MTUS1: variants seen among roughly 807,000 people sequenced by gnomAD.
MTUS1 encodes microtubule associated scaffold protein 1.
In MTUS1, 109 loss-of-function variants were observed where a neutral mutation model predicts 120.8. That is an observed-to-expected ratio of 0.90 (90% CI 0.77 to 1.06). The LOEUF (loss-of-function observed/expected upper bound fraction) is 1.06. Among genes scored for constraint, MTUS1 ranks in the 50% least tolerant of loss-of-function variants. The pLI is 0.00. For missense variants in MTUS1, 2,210 were observed against 1,486.3 expected (o/e 1.49, Z -8.01); for synonymous variants, 737 against 550.5 (o/e 1.34, Z -4.74).
intron 6 of MTUS1, among the ~76,000 whole-genome samples, chr8:17,696,359 C>T (rs1817963281): frequency 6.6e-6 from 1 of 151,940 alleles, no homozygotes; most frequent in African/African-American, 2.4e-5. Context: ...AGAGATGAGC[C>T]ACGTGGAAAA....
intron 1 of MTUS1, among the ~76,000 whole-genome samples, chr8:17,789,595 T>C (rs1373515311): frequency 6.6e-6 from 1 of 152,154 alleles, no homozygotes; most frequent in Non-Finnish European, 1.5e-5. Flanking sequence ...GAAAATGTCT[T>C]TATGTGTGTG....
At chr8:17,798,532 C>T (rs936099990) in intron 1 of MTUS1, among the ~76,000 whole-genome samples, 33 of 152,260 alleles carry the variant, frequency 2.2e-4, no homozygotes, top group African/African-American at 7.9e-4. Context: ...CGGGGTTTCA[C>T]CATGTTGCCC....
intron 7 of MTUS1, among the ~76,000 whole-genome samples, chr8:17,683,473 T>A (rs749556933): frequency 6.6e-6 from 1 of 152,194 alleles, no homozygotes; most frequent in Non-Finnish European, 1.5e-5. Context: ...TTTTTGCTTT[T>A]AATTTTTATT....
chr8:17,703,627 T>TAAAAA (rs1819553214), intron 6 of MTUS1, among the ~76,000 whole-genome samples: 2 of 82,332 alleles, frequency 2.4e-5, no homozygotes, highest in Admixed American at 2.6e-4. Flanking sequence ...AGACTCTGTC[T>TAAAAA]CAAAAAAAAA....
intron 12 of MTUS1, 61 bp downstream of exon 12, chr8:17,653,125 G>T: frequency 2.2e-6 from 2 of 912,726 alleles, no homozygotes; most frequent in South Asian, 3.2e-5. Flanking sequence ...GTACTTGAAT[G>T]ACTCTAAAAG....
At chr8:17,759,502 T>A (rs1408339332) in intron 1 of MTUS1, among the ~76,000 whole-genome samples, 1 of 150,764 alleles carries the variant, frequency 6.6e-6, no homozygotes, top group African/African-American at 2.4e-5. Context: ...AACTGAAATC[T>A]TCACAATCTT....
chr8:17,676,445 G>C (rs1413618290), intron 7 of MTUS1: 3 of 652,736 alleles, frequency 4.6e-6, no homozygotes, highest in Non-Finnish European at 8.3e-6. Flanking sequence ...CAGGAGGCGC[G>C]CCATTGGCCC....
chr8:17,709,136 C>CAA lies in MTUS1; in HGVS notation c.2623+4076_2623+4077dup, dbSNP rs11462531. 3.4e-3 allele frequency among the ~76,000 whole-genome samples: 468 copies of CAA among 137,616 alleles called. 2 individuals are homozygous for CAA. Among genetic ancestry groups the CAA allele is most frequent in the South Asian group, 0.023 (98 of 4,310 alleles). The allele number at this position is 137,616 out of a possible 152,430, so 90.3% of individuals were successfully genotyped here. A position where few individuals can be genotyped will look rare whatever the true frequency, so the allele number is the denominator to read the frequency against. ...TGGGCGACAGAGCAAGACTCTGCCTCAAAAAAAAAAAAAGAAAAAGAATTC... is the reference window on the plus strand; with the variant it reads ...TGGGCGACAGAGCAAGACTCTGCCTCAAAAAAAAAAAAAAAGAAAAAGAATTC... On this transcript the variant is annotated intron_variant, in intron 6 of 14. Coordinates refer to ENST00000693296, the MANE Select transcript of MTUS1 (RefSeq NM_001363059.2).
intron 6 of MTUS1, chr8:17,705,776 G>A (rs757867181): frequency 7.9e-5 from 12 of 152,304 alleles, no homozygotes; most frequent in Middle Eastern, 3.4e-3. Flanking sequence ...AAGTAACTGC[G>A]GAAGGACCAG....
At chr8:17,729,518 A>G (rs2046420321) in intron 3 of MTUS1, among the ~76,000 whole-genome samples, 1 of 152,250 alleles carries the variant, frequency 6.6e-6, no homozygotes, top group South Asian at 2.1e-4. Flanking sequence ...AATTGCACAC[A>G]TAGACACACA....
intron 1 of MTUS1, among the ~76,000 whole-genome samples, chr8:17,768,874 G>T (rs947742409): frequency 1.3e-5 from 2 of 152,050 alleles, no homozygotes; most frequent in Non-Finnish European, 2.9e-5. Context: ...CACCAATAAA[G>T]ATTAAACAAT....
In MTUS1 at chr8:17,646,968, T is replaced by C. The variant is rs1162270417; in HGVS notation, c.3599+14A>G. 6.2e-7 allele frequency: 1 copy of C among 1,603,852 alleles called. No individual in the cohort carries two copies. Among genetic ancestry groups the C allele is most frequent in the South Asian group, 1.1e-5 (1 of 90,830 alleles). On this transcript the variant is annotated intron_variant, in intron 14 of 14. Coordinates refer to ENST00000693296, the MANE Select transcript of MTUS1 (RefSeq NM_001363059.2). Reference sequence around the variant, plus strand: ...GCGGGGAGCTCGGGAGAAACAGCACTGTTTTATTTTTACCTTGAGATTGCC... The same window carrying C: ...GCGGGGAGCTCGGGAGAAACAGCACCGTTTTATTTTTACCTTGAGATTGCC...
At chr8:17,651,140 T>C (rs1284363410) in intron 12 of MTUS1, among the ~76,000 whole-genome samples, 1 of 152,162 alleles carries the variant, frequency 6.6e-6, no homozygotes, top group Non-Finnish European at 1.5e-5. Flanking sequence ...TCTTTAATTC[T>C]AGGTTCTTTA....
intron 6 of MTUS1, among the ~76,000 whole-genome samples, chr8:17,697,991 T>A (rs1186578236): frequency 6.6e-6 from 1 of 152,344 alleles, no homozygotes. Context: ...AAAGTTTTTT[T>A]TTTAAAGACT....
intron 1 of MTUS1, among the ~76,000 whole-genome samples, chr8:17,761,879 C>G (rs551344948): frequency 1.5e-4 from 23 of 152,290 alleles, no homozygotes; most frequent in African/African-American, 4.6e-4. Context: ...AGTAGTTTAG[C>G]TCTGTAAGCT....
intron 1 of MTUS1, among the ~76,000 whole-genome samples, chr8:17,783,957 T>C (rs1307809961): frequency 1.3e-5 from 2 of 152,256 alleles, no homozygotes; most frequent in Non-Finnish European, 2.9e-5. Context: ...GCAATGAAGA[T>C]TTCCACTGAA....
intron 1 of MTUS1, among the ~76,000 whole-genome samples, chr8:17,793,883 A>G (rs1487023503): frequency 6.6e-6 from 1 of 152,188 alleles, no homozygotes; most frequent in East Asian, 1.9e-4. Context: ...TTCGAACAAC[A>G]CAAACACTTA....
chr8:17,750,417 G>A (rs982173810), intron 2 of MTUS1, among the ~76,000 whole-genome samples: 1 of 152,168 alleles, frequency 6.6e-6, no homozygotes, highest in African/African-American at 2.4e-5. Context: ...CTTTTAAAAA[G>A]TAAGGCAAAC....
intron 13 of MTUS1, among the ~76,000 whole-genome samples, chr8:17,648,940 C>T (rs1387051592): frequency 6.6e-6 from 1 of 152,212 alleles, no homozygotes; most frequent in East Asian, 1.9e-4. Context: ...CTGGCAGCAG[C>T]TGTATTTCAG....
Sources: allele counts gnomAD v4.1 joint callset (sites outside exome capture counted in the v4.1 genomes callset), GRCh38; gene constraint gnomAD v4.1.1; transcripts MANE v1.5; gene names NCBI Gene and HGNC (gene_info 2026-07-23, HGNC 2026-07-21).